PLN: variants seen among roughly 807,000 people sequenced by gnomAD.
The protein encoded by PLN is cardiac phospholamban.
A neutral mutation model predicts 3.9 loss-of-function variants in PLN; 1 was observed. The ratio of observed to expected loss-of-function variants is 0.26; its 90% confidence interval spans 0.09 to 1.23. The LOEUF is 1.23. Among genes scored for constraint, PLN ranks in the 50% most tolerant of loss-of-function variants. The probability of loss-of-function intolerance (pLI) is 0.48; values close to 1 mark genes in which losing one functional copy is unlikely to be tolerated. For missense variants in PLN, 59 were observed against 62.7 expected (o/e 0.94, Z 0.20); for synonymous variants, 21 against 20.5 (o/e 1.02, Z -0.07).
intron 1 of PLN, among the ~76,000 whole-genome samples, chr6:118,557,052 A>G (rs1778921309): frequency 6.6e-6 from 1 of 152,196 alleles, no homozygotes; most frequent in Non-Finnish European, 1.5e-5. Flanking sequence ...GTAGTGAGAT[A>G]ATAATAATTA....
chr6:118,551,021 G>C (rs1778511940), intron 1 of PLN, among the ~76,000 whole-genome samples: 1 of 151,578 alleles, frequency 6.6e-6, no homozygotes, highest in Non-Finnish European at 1.5e-5. Context: ...ATCAATCAAA[G>C]TTTCCTTTTA....
rs1779124767 is a variant in PLN at position 118,559,931 on chromosome 6, T to G, written c.*851T>G. On this transcript the variant is annotated 3_prime_UTR_variant, in exon 2 of 2. Coordinates refer to ENST00000357525, the MANE Select transcript of PLN (RefSeq NM_002667.5). ...CTGTAGTGAATTATCTGAGCTAGAG[T>G]TACCTAGCTTACCATACTATATCTT... is the stretch of plus-strand genomic sequence containing the variant. 6.0e-6 allele frequency: 1 copy of G among 167,032 alleles called. No homozygotes were observed. Among genetic ancestry groups the G allele is most frequent in the Non-Finnish European group, 1.5e-5 (1 of 68,102 alleles). 10.3% of individuals were successfully genotyped at this position (167,032 alleles called of 1,614,324 possible). A position where few individuals can be genotyped will look rare whatever the true frequency, so the allele number is the denominator to read the frequency against.
chr6:118,559,403 C>T lies in PLN; in HGVS notation c.*323C>T. 2.8e-6 allele frequency: 1 copy of T among 356,504 alleles called. No homozygotes were observed. The highest frequency in any genetic ancestry group is 5.6e-6 in the Non-Finnish European group (1 of 179,328). 22.1% of individuals were successfully genotyped at this position (356,504 alleles called of 1,614,324 possible). On this transcript the variant is annotated 3_prime_UTR_variant, in exon 2 of 2. Transcript: ENST00000357525. ...TGAAGAGTTTAGTTTTAAAACTGCA[C>T]TGCCAACAAGTTCACTTCATATATA...
chr6:118,559,497 A>G lies in PLN; in HGVS notation c.*417A>G. Reference sequence around the variant, plus strand: ...CAATGTAAAAGCTTCTTTAATACTAAGTATTTTTCAGGTCTTCACCAAGTA... The same window carrying G: ...CAATGTAAAAGCTTCTTTAATACTAGGTATTTTTCAGGTCTTCACCAAGTA... On this transcript the variant is annotated 3_prime_UTR_variant, in exon 2 of 2. Transcript: ENST00000357525. The G allele has an allele frequency of 4.6e-6, 1 of 217,490 alleles. No homozygotes were observed. The highest frequency in any genetic ancestry group is 1.0e-5 in the Non-Finnish European group (1 of 98,014). 13.5% of individuals were successfully genotyped at this position (217,490 alleles called of 1,614,324 possible).
intron 1 of PLN, among the ~76,000 whole-genome samples, 199 bp from the exon 2 acceptor site, chr6:118,558,622 CACAT>C (rs1300881947): frequency 3.8e-4 from 23 of 61,192 alleles, no homozygotes; most frequent in Admixed American, 9.4e-4. Flanking sequence ...GAAACACGTG[CACAT>C]ACACACACAC....
chr6:118,555,617 T>C (rs1222113542), intron 1 of PLN, among the ~76,000 whole-genome samples: 1 of 152,156 alleles, frequency 6.6e-6, no homozygotes, highest in East Asian at 1.9e-4. Context: ...CAAAAGTCAT[T>C]AAATATATGT....
intron 1 of PLN, among the ~76,000 whole-genome samples, chr6:118,554,592 T>C (rs1778742802): frequency 6.6e-6 from 1 of 152,238 alleles, no homozygotes; most frequent in African/African-American, 2.4e-5. Flanking sequence ...CTTCAGAAAC[T>C]ATCAGTCTAG....
Position 118,560,394 on chromosome 6 carries a change from T to C in PLN, c.*1314T>C, listed in dbSNP as rs1779154873. ...AAATCATAAGAAAGAGAAAATATAT[T>C]TACTATTCATTAAATGGAAGTGGGT... On this transcript the variant is annotated 3_prime_UTR_variant, in exon 2 of 2. Transcript: ENST00000357525. The C allele has an allele frequency of 6.0e-6, 1 of 167,070 alleles. No individual in the cohort carries two copies. 10.3% of individuals were successfully genotyped at this position (167,070 alleles called of 1,614,324 possible). A position where few individuals can be genotyped will look rare whatever the true frequency, so the allele number is the denominator to read the frequency against.
At chr6:118,551,163 T>C (rs1473134127) in intron 1 of PLN, among the ~76,000 whole-genome samples, 1 of 151,946 alleles carries the variant, frequency 6.6e-6, no homozygotes, top group African/African-American at 2.4e-5. Context: ...TCAAGTAGTC[T>C]CTTTGTACAA....
chr6:118,558,942 C>T lies in PLN; in HGVS notation c.21C>T (p.Leu7=), dbSNP rs1583047485. 10 of 1,613,796 alleles carry T rather than the reference C, an allele frequency of 6.2e-6. No homozygotes were observed. Among genetic ancestry groups the T allele is most frequent in the Non-Finnish European group, 8.5e-6 (10 of 1,179,696 alleles). The change falls in exon 2 of 2, where the codon CTC becomes CTT. Residue 7 remains leucine, a synonymous_variant. Coordinates refer to ENST00000357525, the MANE Select transcript of PLN (RefSeq NM_002667.5). ...GTATCATGGAGAAAGTCCAATACCTCACTCGCTCAGCTATAAGAAGAGCCT... is the reference window on the plus strand; with the variant it reads ...GTATCATGGAGAAAGTCCAATACCTTACTCGCTCAGCTATAAGAAGAGCCT... The part of the protein sequence containing the change: MEKVQY[L]TRSAIRRAST...
Position 118,561,375 on chromosome 6 carries a change from T to C in PLN, c.*2295T>C, listed in dbSNP as rs1439519407. ...TTCTCAGTAAACAGAAATAACTAATTTTTTTGTTCTTCATTCTTTGATAGA... is the reference window on the plus strand; with the variant it reads ...TTCTCAGTAAACAGAAATAACTAATCTTTTTGTTCTTCATTCTTTGATAGA... On this transcript the variant is annotated 3_prime_UTR_variant, in exon 2 of 2. Coordinates refer to ENST00000357525, the MANE Select transcript of PLN (RefSeq NM_002667.5). Among the ~76,000 whole-genome samples the C allele has an allele frequency of 6.6e-6, 1 of 152,144 alleles. No individual in the cohort carries two copies.
chr6:118,550,916 C>A (rs986004171), intron 1 of PLN, among the ~76,000 whole-genome samples: 1 of 151,634 alleles, frequency 6.6e-6, no homozygotes, highest in Non-Finnish European at 1.5e-5. Flanking sequence ...CAGAAATATA[C>A]GAAAATTACA....
chr6:118,550,498 T>C (rs1005037850), intron 1 of PLN, among the ~76,000 whole-genome samples: 3 of 151,854 alleles, frequency 2.0e-5, no homozygotes, highest in Non-Finnish European at 3.0e-5. Context: ...TAAAGAGCAA[T>C]TTCCTAATAT....
Position 118,559,036 on chromosome 6 carries a change from T to C in PLN, c.115T>C (p.Leu39=). 1.2e-6 allele frequency: 2 copies of C among 1,611,266 alleles called. No homozygotes were observed. Among genetic ancestry groups the C allele is most frequent in the Middle Eastern group, 1.7e-4 (1 of 6,056 alleles). Reference sequence around the variant, plus strand: ...TCTATTTATCAATTTCTGTCTCATCTTAATATGTCTCTTGCTGATCTGTAT... The same window carrying C: ...TCTATTTATCAATTTCTGTCTCATCCTAATATGTCTCTTGCTGATCTGTAT... ...QNLFINFCLI[L]ICLLLICIIV... is the part of the protein sequence containing the mutation. The change falls in exon 2 of 2, where the codon TTA becomes CTA. Residue 39 remains leucine, a synonymous_variant. Coordinates refer to ENST00000357525, the MANE Select transcript of PLN (RefSeq NM_002667.5).
chr6:118,557,937 C>T (rs1177904329), intron 1 of PLN, among the ~76,000 whole-genome samples: 5 of 151,322 alleles, frequency 3.3e-5, no homozygotes, highest in Admixed American at 6.6e-5. Context: ...CACTGATTCA[C>T]CAAATACTGG....
At chr6:118,549,049 AT>A (rs1281429616) in intron 1 of PLN, among the ~76,000 whole-genome samples, 1 of 152,040 alleles carries the variant, frequency 6.6e-6, no homozygotes, top group Non-Finnish European at 1.5e-5. Context: ...CTGATATTAA[AT>A]TCAATATTGT....
At chr6:118,558,306 C>T (rs1191963625) in intron 1 of PLN, among the ~76,000 whole-genome samples, 1 of 152,010 alleles carries the variant, frequency 6.6e-6, no homozygotes, top group East Asian at 1.9e-4. Flanking sequence ...TTTCTCTCAA[C>T]GTTTAATATT....
In PLN at chr6:118,561,048, A is replaced by C. The variant is rs143537451; in HGVS notation, c.*1968A>C. The stretch of plus-strand genomic sequence containing the variant: ...TTCTTACACAAGTGTTGCTAACTCA[A>C]TAGTGAAGGAGACACTATTAAATTT... On this transcript the variant is annotated 3_prime_UTR_variant, in exon 2 of 2. Transcript: ENST00000357525. 3.7e-3 allele frequency among the ~76,000 whole-genome samples: 565 copies of C among 152,328 alleles called. 3 individuals carry two copies. The highest frequency in any genetic ancestry group is 0.013 in the African/African-American group (539 of 41,574).
chr6:118,558,618 C>T lies in PLN; in HGVS notation c.-97-207C>T, dbSNP rs565817611. On this transcript the variant is annotated intron_variant, in intron 1 of 1. Coordinates refer to ENST00000357525, the MANE Select transcript of PLN (RefSeq NM_002667.5). ...AAAGAGAGACAGACACATAGAAACACGTGCACATACACACACACACACACA... is the reference window on the plus strand; with the variant it reads ...AAAGAGAGACAGACACATAGAAACATGTGCACATACACACACACACACACA... Among the ~76,000 whole-genome samples the T allele has an allele frequency of 1.1e-4, 14 of 125,262 alleles. No homozygotes were observed. The South Asian group carries it at 1.8e-3, about 16-fold the overall frequency. 82.2% of individuals were successfully genotyped at this position (125,262 alleles called of 152,430 possible).
Sources: gnomAD v4.1 joint callset for allele counts (sites outside exome capture counted in the v4.1 genomes callset) on GRCh38, gnomAD v4.1.1 for gene constraint, MANE v1.5 for transcripts, NCBI Gene and HGNC (gene_info 2026-07-23, HGNC 2026-07-21) for gene names.